The following TRAPPC9 variants were observed in gnomAD, a reference collection of about 807,000 sequenced individuals.
TRAPPC9 encodes the protein IKK2 binding protein.
A neutral mutation model predicts 124.0 loss-of-function variants in TRAPPC9; 83 were observed. The ratio of observed to expected loss-of-function variants is 0.67; its 90% CI spans 0.56 to 0.80. TRAPPC9 has a LOEUF of 0.80. Ranked by LOEUF, TRAPPC9 falls within the 30% of genes least tolerant of loss-of-function variation. TRAPPC9 has a pLI of 0.00. For synonymous variants in TRAPPC9, 638 were observed against 617.5 expected, an observed-to-expected ratio of 1.03 and a Z score of -0.49; for missense variants, 1,302 against 1,508.3, an observed-to-expected ratio of 0.86 and a Z score of 2.27.
rs73372859 is a variant in TRAPPC9, at chr8:140,347,645, T to C, written c.1495+12405A>G. Among the ~76,000 whole-genome samples, 1,344 of 152,312 alleles carry C rather than the reference T, an allele frequency of 8.8e-3. 21 individuals are homozygous for C. The highest frequency in any genetic ancestry group is 0.031 in the African/African-American group (1,307 of 41,574). ...TCCACTGACCCCCTCACTCTGCTCA[T>C]TGGCTATAAAGCCCCACTTGGCCTT... is the stretch of plus-strand genomic sequence containing the variant. On this transcript the variant is annotated intron_variant, in intron 9 of 22. Coordinates refer to ENST00000438773, the MANE Select transcript of TRAPPC9 (RefSeq NM_001160372.4).
At chr8:139,862,673 G>A (rs556626140) in intron 21 of TRAPPC9, among the ~76,000 whole-genome samples, 3 of 152,324 alleles carry the variant, frequency 2.0e-5, no homozygotes, top group South Asian at 4.1e-4. Context: ...GACATTAAGT[G>A]TCTTAATCTC....
At chr8:140,210,612 C>G (rs544102589) in intron 17 of TRAPPC9, among the ~76,000 whole-genome samples, 1 of 152,150 alleles carries the variant, frequency 6.6e-6, no homozygotes, top group Non-Finnish European at 1.5e-5. Flanking sequence ...ACCCGCACCC[C>G]CTTTCCCACC....
rs1587810348 is a variant in TRAPPC9, at chr8:140,149,063, T to C, written c.2556+72396A>G. ...TTTTACATTTCAGTGTGTGCTTTGC[T>C]GGGCTAAACCAGTTTGTCCTGTGGC... On this transcript the variant is annotated intron_variant, in intron 17 of 22. Transcript: ENST00000438773. Among the ~76,000 whole-genome samples the C allele has an allele frequency of 3.9e-5, 6 of 152,316 alleles. No homozygotes were observed. In the East Asian group the frequency reaches 1.2e-3, roughly 29 times the overall value.
chr8:139,813,100 C>T (rs1003913946), intron 21 of TRAPPC9, among the ~76,000 whole-genome samples: 5 of 152,232 alleles, frequency 3.3e-5, no homozygotes, highest in African/African-American at 9.6e-5. Context: ...AGGCCGGGTG[C>T]CAGCTGCTCA....
At chr8:140,348,055 A>G (rs1248541619) in intron 9 of TRAPPC9, among the ~76,000 whole-genome samples, 1 of 152,232 alleles carries the variant, frequency 6.6e-6, no homozygotes, top group African/African-American at 2.4e-5. Flanking sequence ...AAGGGCATTC[A>G]CTCAGATGAC....
At chr8:140,078,176 G>A (rs758337367) in intron 17 of TRAPPC9, among the ~76,000 whole-genome samples, 3 of 152,286 alleles carry the variant, frequency 2.0e-5, no homozygotes, top group African/African-American at 2.4e-5. Context: ...TTTTCTCTGC[G>A]TTCAAATTGC....
chr8:140,444,411 G>A (rs1412468758), intron 2 of TRAPPC9, among the ~76,000 whole-genome samples: 2 of 152,070 alleles, frequency 1.3e-5, no homozygotes, highest in Admixed American at 6.6e-5. Context: ...AAGACAGTCT[G>A]TTCAGCTGGG....
chr8:140,269,342 C>T (rs1216722469), intron 15 of TRAPPC9, among the ~76,000 whole-genome samples: 1 of 151,814 alleles, frequency 6.6e-6, no homozygotes, highest in Non-Finnish European at 1.5e-5. Flanking sequence ...GAGATCAAGA[C>T]CATCCTGGCT....
chr8:139,863,106 G>A (rs777555198), intron 21 of TRAPPC9, among the ~76,000 whole-genome samples: 20 of 152,338 alleles, frequency 1.3e-4, no homozygotes, highest in South Asian at 2.1e-4. Context: ...TGTCTTCTCC[G>A]GGAGAAAACA....
chr8:140,176,314 G>A (rs1019190571), intron 17 of TRAPPC9, among the ~76,000 whole-genome samples: 3 of 152,046 alleles, frequency 2.0e-5, no homozygotes, highest in Non-Finnish European at 4.4e-5. Context: ...CTCCTCTCTG[G>A]CCATCTAACG....
chr8:140,367,633 T>C (rs916650350), intron 8 of TRAPPC9, among the ~76,000 whole-genome samples: 2 of 152,164 alleles, frequency 1.3e-5, no homozygotes, highest in African/African-American at 2.4e-5. Context: ...AACTTCTCTG[T>C]ATGATATCAT....
chr8:139,969,238 C>A (rs1282068906), intron 19 of TRAPPC9, among the ~76,000 whole-genome samples: 1 of 152,252 alleles, frequency 6.6e-6, no homozygotes, highest in Non-Finnish European at 1.5e-5. Context: ...ATGTCACACA[C>A]CTCCCACCCC....
intron 17 of TRAPPC9, among the ~76,000 whole-genome samples, chr8:140,148,874 T>C (rs2061499437): frequency 6.6e-6 from 1 of 152,196 alleles, no homozygotes; most frequent in South Asian, 2.1e-4. Flanking sequence ...TTTTTCTATT[T>C]GTTGTTGTAA....
chr8:140,106,286 G>A (rs916964542), intron 17 of TRAPPC9, among the ~76,000 whole-genome samples: 6 of 152,152 alleles, frequency 3.9e-5, no homozygotes, highest in South Asian at 2.1e-4. Flanking sequence ...TCAGACAGTC[G>A]TTCACAGAAA....
chr8:140,268,046 G>T (rs948546415), intron 15 of TRAPPC9, among the ~76,000 whole-genome samples: 9 of 152,104 alleles, frequency 5.9e-5, no homozygotes, highest in African/African-American at 1.7e-4. Flanking sequence ...CCCAAAGAAG[G>T]GGGTTTTTCA....
At chr8:140,429,470 T>C (rs1217380718) in intron 4 of TRAPPC9, among the ~76,000 whole-genome samples, 1 of 152,190 alleles carries the variant, frequency 6.6e-6, no homozygotes, top group Non-Finnish European at 1.5e-5. Flanking sequence ...TATGCCTCAG[T>C]TTCCACATCT....
At chr8:139,966,876 C>T (rs1835741037) in intron 19 of TRAPPC9, among the ~76,000 whole-genome samples, 2 of 152,226 alleles carry the variant, frequency 1.3e-5, no homozygotes, top group African/African-American at 4.8e-5. Context: ...AAACTGGGTG[C>T]TCCATGAAAG....
intron 17 of TRAPPC9, among the ~76,000 whole-genome samples, chr8:140,086,290 G>A (rs1844181205): frequency 6.6e-6 from 1 of 152,202 alleles, no homozygotes; most frequent in African/African-American, 2.4e-5. Flanking sequence ...AAGAAGGACA[G>A]GGGAAGACGA....
intron 17 of TRAPPC9, among the ~76,000 whole-genome samples, chr8:140,116,335 G>A (rs372983597): frequency 3.9e-5 from 6 of 152,208 alleles, no homozygotes; most frequent in African/African-American, 1.2e-4. Flanking sequence ...GCCAACTTTC[G>A]GAGGCAGGAA....
Sources: gnomAD v4.1 joint callset for allele counts (sites outside exome capture counted in the v4.1 genomes callset) on GRCh38, gnomAD v4.1.1 for gene constraint, MANE v1.5 for transcripts, NCBI Gene and HGNC (gene_info 2026-07-23, HGNC 2026-07-21) for gene names.